Variants in UBAP2L observed in about 807,000 individuals in gnomAD.
UBAP2L encodes ubiquitin associated protein 2 like.
In UBAP2L, 12 loss-of-function variants were observed where a neutral mutation model predicts 130.6. The observed-to-expected ratio is 0.09, with a 90% CI of 0.06 to 0.15. The LOEUF is 0.15. Among genes scored for constraint, UBAP2L ranks in the 10% least tolerant of loss-of-function variants. The pLI is 1.00. For missense variants in UBAP2L, 965 were observed against 1,332.5 expected, an observed-to-expected ratio of 0.72 and a Z score of 4.29; for synonymous variants, 503 against 524.7, an observed-to-expected ratio of 0.96 and a Z score of 0.57.
chr1:154,255,823 C>G, intron 18 of UBAP2L, 68 bp downstream of exon 18: 1 of 1,558,644 alleles, frequency 6.4e-7, no homozygotes, highest in Non-Finnish European at 8.8e-7. Context: ...TAAGATTGTC[C>G]CAAGAGAGAA....
chr1:154,256,271 G>A (rs1226759657), intron 18 of UBAP2L, among the ~76,000 whole-genome samples: 2 of 152,164 alleles, frequency 1.3e-5, no homozygotes, highest in Non-Finnish European at 2.9e-5. Context: ...CAGATTTGCC[G>A]GAAGCCTGGG....
chr1:154,244,088 G>A (rs1674502009), intron 10 of UBAP2L, among the ~76,000 whole-genome samples: 1 of 152,134 alleles, frequency 6.6e-6, no homozygotes, highest in Non-Finnish European at 1.5e-5. Flanking sequence ...AAATCTCTAG[G>A]GATCAGTGGT....
rs143364153 is a variant in UBAP2L, at chr1:154,238,010, A to G, written c.703+874A>G. ...CCTAAGGCTTTTTTTCCTCTTACAA[A>G]GGGGGATGAGTAGGGCCTGAAATGT... On this transcript the variant is annotated intron_variant, in intron 8 of 26. Transcript: ENST00000428931. Among the ~76,000 whole-genome samples the G allele has an allele frequency of 6.7e-3, 1,016 of 152,234 alleles. 18 individuals are homozygous for G. Among genetic ancestry groups the G allele is most frequent in the African/African-American group, 0.023 (948 of 41,512 alleles).
In UBAP2L at chr1:154,257,663, C is replaced by A. The variant is rs1036082555; in HGVS notation, c.2442+229C>A. 1.5e-5 allele frequency: 8 copies of A among 540,536 alleles called. No homozygotes were observed. In the African/African-American group the frequency reaches 1.5e-4, roughly 10 times the overall value. 33.5% of individuals were successfully genotyped at this position (540,536 alleles called of 1,614,324 possible). On this transcript the variant is annotated intron_variant, in intron 20 of 26. Coordinates refer to ENST00000428931, the MANE Select transcript of UBAP2L (RefSeq NM_014847.4). ...ATTCATATATAAACAGCGTGCAGTT[C>A]AAACCTGTGTTAAGGGTCAACTGTA...
chr1:154,256,476 A>C (rs908097033), intron 18 of UBAP2L, among the ~76,000 whole-genome samples: 1 of 152,070 alleles, frequency 6.6e-6, no homozygotes, highest in African/African-American at 2.4e-5. Context: ...ATCTCCATAA[A>C]AATTTTTTGA....
intron 24 of UBAP2L, among the ~76,000 whole-genome samples, chr1:154,266,292 T>C (rs1258507961): frequency 6.6e-6 from 1 of 152,190 alleles, no homozygotes; most frequent in Non-Finnish European, 1.5e-5. Flanking sequence ...TCACGTATAC[T>C]CAACACGTAC....
Position 154,227,319 on chromosome 1 carries a change from C to T in UBAP2L, c.128C>T (p.Ser43Leu), listed in dbSNP as rs750123333. The change falls in exon 3 of 27, where the codon TCG becomes TTG. Residue 43 changes from serine (S) to leucine (L), a missense_variant. This residue lies in a region of UBAP2L where 34 missense variants were observed against 101.4 expected (regional missense o/e 0.34). Coordinates refer to ENST00000428931, the MANE Select transcript of UBAP2L (RefSeq NM_014847.4). ...CAAATTAGACTTGCACAGATGATTT[C>T]GGACCATAATGATGCTGACTTTGAG... is the stretch of plus-strand genomic sequence containing the variant. ...AEQIRLAQMISDHNDADFEEK... is the reference protein window; with the variant it reads ...AEQIRLAQMILDHNDADFEEK... 1.9e-6 allele frequency: 3 copies of T among 1,613,664 alleles called. No individual in the cohort carries two copies. Among genetic ancestry groups the T allele is most frequent in the South Asian group, 1.1e-5 (1 of 91,072 alleles).
intron 13 of UBAP2L, 62 bp downstream of exon 13, chr1:154,251,380 A>G: frequency 6.3e-7 from 1 of 1,578,390 alleles, no homozygotes; most frequent in South Asian, 1.2e-5. Flanking sequence ...GAGAATTGAG[A>G]TTAAAAGGGT....
chr1:154,223,451 C>G (rs552406749), intron 1 of UBAP2L, among the ~76,000 whole-genome samples: 4 of 151,956 alleles, frequency 2.6e-5, no homozygotes, highest in Admixed American at 2.0e-4. Flanking sequence ...GTTTTCCTCT[C>G]GTCTTTATAT....
At chr1:154,220,440 T>C (rs756790555), upstream of UBAP2L, 28 of 1,613,682 alleles carry the variant, frequency 1.7e-5, no homozygotes, top group African/African-American at 3.6e-4. Flanking sequence ...TTGTTCGGGT[T>C]TACCCCGCTG....
chr1:154,270,063 A>T, intron 26 of UBAP2L, 137 bp from the exon 27 acceptor site: 1 of 1,153,202 alleles, frequency 8.7e-7, no homozygotes, highest in South Asian at 2.0e-5. Context: ...ATGCAGACCA[A>T]ATTTTCTATG....
intron 10 of UBAP2L, among the ~76,000 whole-genome samples, chr1:154,244,415 A>G (rs1343425891): frequency 6.6e-6 from 1 of 152,032 alleles, no homozygotes; most frequent in Non-Finnish European, 1.5e-5. Context: ...TTGTTCTGTC[A>G]CCCAGGCTGG....
chr1:154,259,878 C>G lies in UBAP2L; in HGVS notation c.2497-70C>G, dbSNP rs150918720. 198 of 1,482,474 alleles carry G rather than the reference C, an allele frequency of 1.3e-4. 2 individuals are homozygous for G. Among genetic ancestry groups the G allele is most frequent in the Middle Eastern group, 1.2e-3 (7 of 5,808 alleles). The allele number at this position is 1,482,474 out of a possible 1,614,324, so 91.8% of individuals were successfully genotyped here. A position where few individuals can be genotyped will look rare whatever the true frequency, so the allele number is the denominator to read the frequency against. ...TCTCACATTCTTCTGTTTTTTCCTC[C>G]GTGGAAATAGTACTCATGCTGGGGA... On this transcript the variant is annotated intron_variant, in intron 21 of 26. Transcript: ENST00000428931.
intron 14 of UBAP2L, among the ~76,000 whole-genome samples, chr1:154,252,913 T>G (rs1021926124): frequency 1.3e-5 from 2 of 151,956 alleles, no homozygotes; most frequent in African/African-American, 4.8e-5. Flanking sequence ...CTAAAATGAG[T>G]GTGAACAAAA....
chr1:154,253,812 T>C, intron 14 of UBAP2L, 88 bp from the exon 15 acceptor site: 1 of 1,321,086 alleles, frequency 7.6e-7, no homozygotes, highest in Non-Finnish European at 1.0e-6. Context: ...AATCAAGTTA[T>C]TCCACTAGTA....
intron 26 of UBAP2L, chr1:154,269,363 T>C: frequency 1.5e-6 from 2 of 1,321,198 alleles, no homozygotes; most frequent in Non-Finnish European, 2.0e-6. Flanking sequence ...CTGCCTCAGC[T>C]ACCATATTTG....
chr1:154,235,110 G>C, intron 5 of UBAP2L, 86 bp from the exon 6 acceptor site: 1 of 685,536 alleles, frequency 1.5e-6, no homozygotes, highest in South Asian at 1.6e-5. Context: ...TTATATATTT[G>C]TATATATCCT....
intron 9 of UBAP2L, among the ~76,000 whole-genome samples, chr1:154,242,489 G>A (rs910824830): frequency 6.6e-6 from 1 of 152,170 alleles, no homozygotes; most frequent in Non-Finnish European, 1.5e-5. Context: ...TGGCTTGTCC[G>A]CTTAAGCAAC....
chr1:154,248,893 G>A (rs1230278094), intron 11 of UBAP2L, among the ~76,000 whole-genome samples: 1 of 152,162 alleles, frequency 6.6e-6, no homozygotes, highest in Non-Finnish European at 1.5e-5. Context: ...AAGTAATGAT[G>A]ATATGAAGTT....
Sources: gnomAD v4.1 joint callset for allele counts (sites outside exome capture counted in the v4.1 genomes callset) on GRCh38, gnomAD v4.1.1 for gene constraint, gnomAD v4.1.1 regional missense constraint, MANE v1.5 for transcripts, NCBI Gene and HGNC (gene_info 2026-07-23, HGNC 2026-07-21) for gene names.